NHERF2: variants seen among roughly 807,000 people sequenced by gnomAD.
The protein encoded by NHERF2 is NHERF family PDZ scaffold protein 2.
the NHERF2 span, among the ~76,000 whole-genome samples, chr16:2,032,139 C>T: frequency 1.3e-5 from 2 of 151,812 alleles, no homozygotes; most frequent in African/African-American, 2.4e-5. The surrounding 1 kb of genome is among the most constrained non-coding windows in gnomAD (Gnocchi z 4.0). Flanking sequence ...TATGTCTCAG[C>T]CTGCTGAGTA....
At chr16:2,035,369 C>T in the NHERF2 span, 1 of 949,396 alleles carries the variant, frequency 1.1e-6, no homozygotes, top group Non-Finnish European at 1.2e-6. Context: ...GGTCTGAGCG[C>T]CCCCTTGCCA....
chr16:2,028,584 C>T, the NHERF2 span, among the ~76,000 whole-genome samples: 3 of 152,140 alleles, frequency 2.0e-5, no homozygotes, highest in Non-Finnish European at 4.4e-5. Context: ...TTGTCTGGGA[C>T]ACATAGTCAA....
the NHERF2 span, among the ~76,000 whole-genome samples, chr16:2,029,194 CA>C: frequency 6.6e-6 from 1 of 152,228 alleles, no homozygotes; most frequent in Non-Finnish European, 1.5e-5. Flanking sequence ...CAGATGGATG[CA>C]TGCGCGCACA....
chr16:2,029,784 T>G, the NHERF2 span: 1 of 1,509,800 alleles, frequency 6.6e-7, no homozygotes, highest in Non-Finnish European at 8.9e-7. Flanking sequence ...GGCAAGAAGG[T>G]ATGGCGGGCT....
the NHERF2 span, chr16:2,037,726 C>T: frequency 2.6e-6 from 4 of 1,550,442 alleles, no homozygotes; most frequent in South Asian, 2.4e-5. Flanking sequence ...GCCCCAGCCC[C>T]AGCAGGCAGC....
the NHERF2 span, chr16:2,035,501 C>T: frequency 1.0e-6 from 1 of 986,390 alleles, no homozygotes; most frequent in African/African-American, 1.7e-5. Flanking sequence ...TGCGCACGCC[C>T]TCAAGCTTGG....
At chr16:2,037,954 C>T in the NHERF2 span, 5 of 1,613,568 alleles carry the variant, frequency 3.1e-6, no homozygotes, top group South Asian at 2.2e-5. Flanking sequence ...TGGACTGGAA[C>T]AGGAAGCGTG....
chr16:2,027,236 C>A, the NHERF2 span: 5 of 1,261,438 alleles, frequency 4.0e-6, no homozygotes, highest in South Asian at 5.0e-5. Flanking sequence ...CCAGCGCTCG[C>A]CCCCGGCCCG....
the NHERF2 span, chr16:2,036,635 T>C: frequency 3.9e-6 from 6 of 1,552,108 alleles, no homozygotes; most frequent in South Asian, 1.2e-5. Context: ...CGGTGGGCGG[T>C]GGCTGTGATG....
chr16:2,036,272 C>CT, the NHERF2 span: 1 of 1,530,042 alleles, frequency 6.5e-7, no homozygotes, highest in African/African-American at 1.4e-5. Context: ...GGAGTGGCCT[C>CT]TGGAGGCGGG....
the NHERF2 span, chr16:2,029,623 G>C: frequency 6.3e-7 from 1 of 1,579,520 alleles, no homozygotes; most frequent in Non-Finnish European, 8.6e-7. Context: ...AGACTCGGCT[G>C]CTGGTGGTGG....
At chr16:2,028,057 A>G in the NHERF2 span, among the ~76,000 whole-genome samples, 31 of 152,296 alleles carry the variant, frequency 2.0e-4, no homozygotes, top group African/African-American at 6.7e-4. Context: ...TCTGTCTCCC[A>G]CAGGCCAGGG....
the NHERF2 span, chr16:2,037,407 C>T: frequency 2.3e-6 from 2 of 876,224 alleles, no homozygotes; most frequent in African/African-American, 3.3e-5. Flanking sequence ...CATCTGGAGT[C>T]CACCAGAGGC....
At chr16:2,035,436 G>A in the NHERF2 span, 5 of 985,772 alleles carry the variant, frequency 5.1e-6, no homozygotes, top group Admixed American at 6.2e-5. Context: ...ACACAGGGAG[G>A]TAGGAGGTGA....
chr16:2,029,029 C>T, the NHERF2 span, among the ~76,000 whole-genome samples: 1 of 152,182 alleles, frequency 6.6e-6, no homozygotes, highest in African/African-American at 2.4e-5. Context: ...GGCCCATGGC[C>T]ATGGCCTGGA....
At chr16:2,033,460 C>G in the NHERF2 span, 2 of 1,501,564 alleles carry the variant, frequency 1.3e-6, no homozygotes, top group Non-Finnish European at 1.8e-6. Context: ...GAAGGGAGGG[C>G]TAGGAGGAAC....
chr16:2,034,953 C>G, the NHERF2 span, among the ~76,000 whole-genome samples: 1 of 152,186 alleles, frequency 6.6e-6, no homozygotes, highest in Non-Finnish European at 1.5e-5. Flanking sequence ...AGGAGTGAGT[C>G]TATGTGGTGG....
chr16:2,029,593 G>A, the NHERF2 span: 2,849 of 1,575,816 alleles, frequency 1.8e-3, 33 homozygotes, highest in Middle Eastern at 8.5e-3. Context: ...TGGTGCAAAG[G>A]ATCAAGGCTG....
the NHERF2 span, chr16:2,029,448 C>T: frequency 1.4e-5 from 11 of 808,536 alleles, no homozygotes; most frequent in Non-Finnish European, 2.0e-5. Context: ...GCCGGCAGGC[C>T]TCTTGGTGCA....
Sources: allele counts gnomAD v4.1 joint callset (sites outside exome capture counted in the v4.1 genomes callset), GRCh38; gene constraint gnomAD v4.1.1; non-coding constraint Gnocchi (gnomAD v3.1); transcripts MANE v1.5; gene names NCBI Gene and HGNC (gene_info 2026-07-23, HGNC 2026-07-21).